Variants in POLA2 observed in about 807,000 individuals in gnomAD.
POLA2 encodes DNA polymerase alpha subunit B.
POLA2 carries 47 observed loss-of-function variants against 82.8 expected under a neutral mutation model. The observed-to-expected ratio is 0.57, with a 90% CI of 0.45 to 0.72. The LOEUF is 0.72. POLA2 is among the 30% of genes least tolerant of loss of function. POLA2 has a pLI of 0.00. For synonymous variants in POLA2, 287 were observed against 286.8 expected (o/e 1.00, Z -0.01); for missense variants, 634 against 728.1 (o/e 0.87, Z 1.49).
At chr11:65,268,111 T>A (rs1319780429) in intron 3 of POLA2, among the ~76,000 whole-genome samples, 3 of 151,026 alleles carry the variant, frequency 2.0e-5, no homozygotes, top group African/African-American at 4.9e-5. Context: ...AATTAAAAAA[T>A]AATAATAATA....
Position 65,266,656 on chromosome 11 carries a change from A to G in POLA2, c.154A>G (p.Thr52Ala). The part of the protein sequence containing the change: ...VGELIAFCTS[T>A]HKVGLTSEIL... ...CGAGCTTATAGCCTTCTGCACCAGC[A>G]CACATAAAGTTGGCCTTACCTCAGA... Residue 52 changes from threonine to alanine, a missense_variant, in exon 2 of 18, where the codon ACA becomes GCA. Transcript: ENST00000265465. 5 of 1,614,178 alleles carry G rather than the reference A, an allele frequency of 3.1e-6. No homozygotes were observed. The highest frequency in any genetic ancestry group is 4.2e-6 in the Non-Finnish European group (5 of 1,179,986).
downstream of POLA2, among the ~76,000 whole-genome samples, chr11:65,298,909 G>A (rs1949841498): frequency 6.6e-6 from 1 of 152,194 alleles, no homozygotes; most frequent in South Asian, 2.1e-4. Context: ...TGTGACTGTT[G>A]GAAATGATCT....
intron 13 of POLA2, among the ~76,000 whole-genome samples, chr11:65,290,357 T>C (rs1949742120): frequency 6.7e-6 from 1 of 149,456 alleles, no homozygotes; most frequent in Non-Finnish European, 1.5e-5. Flanking sequence ...ATCAATATGG[T>C]GAAACCCTAT....
chr11:65,269,512 A>G (rs899800306), intron 4 of POLA2, among the ~76,000 whole-genome samples: 8 of 152,104 alleles, frequency 5.3e-5, no homozygotes, highest in African/African-American at 1.2e-4. Flanking sequence ...AACAACAACA[A>G]CAACTATGTA....
At chr11:65,267,377 G>T in intron 2 of POLA2, 100 bp from the exon 3 acceptor site, 1 of 652,522 alleles carries the variant, frequency 1.5e-6, no homozygotes, top group East Asian at 2.8e-5. Flanking sequence ...TTAGATCTTT[G>T]ATTATATTTT....
At chr11:65,292,943 G>C (rs190588200) in intron 13 of POLA2, among the ~76,000 whole-genome samples, 79 of 152,296 alleles carry the variant, frequency 5.2e-4, no homozygotes, top group African/African-American at 1.9e-3. Flanking sequence ...CATCTTAAGG[G>C]AACCAAGGAA....
At chr11:65,262,475 C>G (rs1414083360) in intron 1 of POLA2, 104 bp downstream of exon 1, 2 of 899,012 alleles carry the variant, frequency 2.2e-6, no homozygotes, top group Admixed American at 5.3e-5. Context: ...TCCACTTCCC[C>G]TGGAGCAGAG....
Position 65,267,598 on chromosome 11 carries a change from C to T in POLA2, c.296+30C>T, listed in dbSNP as rs1284233471. 3.0e-6 allele frequency: 4 copies of T among 1,328,456 alleles called. No individual in the cohort carries two copies. In the African/African-American group the frequency reaches 4.4e-5, roughly 15 times the overall value. 82.3% of individuals were successfully genotyped at this position (1,328,456 alleles called of 1,614,324 possible). A position where few individuals can be genotyped will look rare whatever the true frequency, so the allele number is the denominator to read the frequency against. Reference sequence around the variant, plus strand: ...CCTTTTCTGCTGAAGGTCTTTGCACCAAGCTACATGTTGTATTTTATAATT... The same window carrying T: ...CCTTTTCTGCTGAAGGTCTTTGCACTAAGCTACATGTTGTATTTTATAATT... On this transcript the variant is annotated intron_variant, in intron 3 of 17. Coordinates refer to ENST00000265465, the MANE Select transcript of POLA2 (RefSeq NM_002689.4).
intron 13 of POLA2, among the ~76,000 whole-genome samples, chr11:65,291,642 G>A (rs1464766069): frequency 1.3e-5 from 2 of 152,220 alleles, no homozygotes; most frequent in Non-Finnish European, 2.9e-5. Context: ...GGCAGGGACT[G>A]TGTTGTAGTG....
intron 4 of POLA2, among the ~76,000 whole-genome samples, chr11:65,274,067 C>T (rs1450846561): frequency 6.6e-6 from 1 of 152,086 alleles, no homozygotes; most frequent in Non-Finnish European, 1.5e-5. Context: ...AATTAAATAA[C>T]ACAGCTACTA....
intron 10 of POLA2, among the ~76,000 whole-genome samples, chr11:65,284,676 C>T (rs191914447): frequency 1.3e-5 from 2 of 152,156 alleles, no homozygotes; most frequent in Non-Finnish European, 2.9e-5. Context: ...CAGGCATGCA[C>T]CTGTAATGCC....
chr11:65,294,786 C>G, intron 15 of POLA2, 134 bp downstream of exon 15: 1 of 599,180 alleles, frequency 1.7e-6, no homozygotes, highest in Non-Finnish European at 2.9e-6. Context: ...TGTGCCAGAC[C>G]CTCTAGCCAT....
At chr11:65,304,325 A>G (rs186198511) in intron 8 of POLA2, among the ~76,000 whole-genome samples, 1 of 147,546 alleles carries the variant, frequency 6.8e-6, no homozygotes, top group East Asian at 2.0e-4. Context: ...TCATCCATCC[A>G]TCCATAGACT....
chr11:65,289,889 C>T lies in POLA2; in HGVS notation c.1244+17C>T, dbSNP rs765159507. On this transcript the variant is annotated intron_variant, in intron 13 of 17. Coordinates refer to ENST00000265465, the MANE Select transcript of POLA2 (RefSeq NM_002689.4). ...CACAAGAAGGTCAGATTTCAAAATACTGGACAGAACCTTAAGCTTCTTAGG... is the reference window on the plus strand; with the variant it reads ...CACAAGAAGGTCAGATTTCAAAATATTGGACAGAACCTTAAGCTTCTTAGG... The T allele has an allele frequency of 4.0e-6, 6 of 1,508,606 alleles. No individual in the cohort carries two copies. The Admixed American group carries it at 1.0e-4, about 25-fold the overall frequency. 93.5% of individuals were successfully genotyped at this position (1,508,606 alleles called of 1,614,324 possible).
chr11:65,264,509 C>CT (rs1477904324), intron 1 of POLA2, among the ~76,000 whole-genome samples: 3 of 152,184 alleles, frequency 2.0e-5, no homozygotes, highest in Non-Finnish European at 2.9e-5. Context: ...TCTCTTTACT[C>CT]TGAGTCTTCC....
At chr11:65,294,007 T>G (rs1201659785) in intron 13 of POLA2, 146 bp from the exon 14 acceptor site, 2 of 738,704 alleles carry the variant, frequency 2.7e-6, no homozygotes, top group Non-Finnish European at 4.9e-6. Context: ...AAACAGCGTC[T>G]CTGTTCATAA....
chr11:65,294,268 G>T lies in POLA2; in HGVS notation c.1353+7G>T. The stretch of plus-strand genomic sequence containing the variant: ...GTCTCGAGAGGACAAAAAGGTAGCA[G>T]CACCCACTCCTTGACCAGCAGGCAG... On this transcript the variant is annotated splice_region_variant and intron_variant, in intron 14 of 17. Coordinates refer to ENST00000265465, the MANE Select transcript of POLA2 (RefSeq NM_002689.4). 4.4e-6 allele frequency: 7 copies of T among 1,606,428 alleles called. No individual in the cohort carries two copies. The highest frequency in any genetic ancestry group is 6.0e-6 in the Non-Finnish European group (7 of 1,173,008).
At position 65,275,981 on chromosome 11, in the gene POLA2, G is replaced by A. The variant is rs371108659; in HGVS notation, c.444G>A (p.Pro148=). 5.9e-5 allele frequency: 94 copies of A among 1,598,682 alleles called. No homozygotes were observed. Among genetic ancestry groups the A allele is most frequent in the Non-Finnish European group, 7.2e-5 (84 of 1,171,484 alleles). ...GTAGCCCCCATCAGCTACTCTCACC[G>A]TCAAGTTTCTCTCCAAGGTATGGAT... ...STRSPHQLLS[P]SSFSPSATPS... is the part of the protein sequence containing the mutation. The change falls in exon 5 of 18, where the codon CCG becomes CCA. Residue 148 remains proline (P), a synonymous_variant. Coordinates refer to ENST00000265465, the MANE Select transcript of POLA2 (RefSeq NM_002689.4).
At chr11:65,294,057 T>C in intron 13 of POLA2, 96 bp from the exon 14 acceptor site, 6 of 1,017,136 alleles carry the variant, frequency 5.9e-6, no homozygotes, top group Non-Finnish European at 1.6e-6. Flanking sequence ...GGGTGGGCTC[T>C]GCCTCCAGCC....
Sources: gnomAD v4.1 joint callset for allele counts (sites outside exome capture counted in the v4.1 genomes callset) on GRCh38, gnomAD v4.1.1 for gene constraint, MANE v1.5 for transcripts, NCBI Gene and HGNC (gene_info 2026-07-23, HGNC 2026-07-21) for gene names.